Variants in RANBP2 observed in about 807,000 individuals in gnomAD.
RANBP2 encodes E3 SUMO-protein ligase RanBP2.
RANBP2 carries 57 observed loss-of-function variants against 303.6 expected under a neutral mutation model. That is an observed-to-expected ratio of 0.19 (90% CI 0.15 to 0.23). The LOEUF (loss-of-function observed/expected upper bound fraction) is 0.23. Ranked by LOEUF, RANBP2 falls within the 10% of genes least tolerant of loss-of-function variation. The pLI is 1.00. For missense variants in RANBP2, 3,138 were observed against 3,780.8 expected (o/e 0.83, Z 4.46); for synonymous variants, 1,167 against 1,301.5 (o/e 0.90, Z 2.23).
the RANBP2 span, among the ~76,000 whole-genome samples, chr2:108,939,327 C>T: frequency 0.68 from 103,312 of 152,078 alleles, 37,744 homozygotes; most frequent in Non-Finnish European, 0.82. Flanking sequence ...GCTGGGACTA[C>T]AGGCGTGCGC....
the RANBP2 span, among the ~76,000 whole-genome samples, chr2:109,250,282 A>G: frequency 1.3e-5 from 2 of 152,176 alleles, no homozygotes; most frequent in Non-Finnish European, 2.9e-5. Flanking sequence ...CCTGGGGAAG[A>G]CATCTCGCCC....
the RANBP2 span, among the ~76,000 whole-genome samples, chr2:109,555,925 G>A: frequency 6.6e-6 from 1 of 152,114 alleles, no homozygotes; most frequent in African/African-American, 2.4e-5. Flanking sequence ...TCCCCAGTTA[G>A]AATTAACTGT....
the RANBP2 span, among the ~76,000 whole-genome samples, chr2:109,367,251 A>G: frequency 2.0e-5 from 3 of 151,170 alleles, no homozygotes; most frequent in Admixed American, 6.6e-5. Context: ...GGTGTGAGCC[A>G]CTGTGCCCGT....
the RANBP2 span, among the ~76,000 whole-genome samples, chr2:109,441,599 TG>T: frequency 6.6e-6 from 1 of 152,328 alleles, no homozygotes; most frequent in Non-Finnish European, 1.5e-5. Flanking sequence ...AGGTCTCCAA[TG>T]TAGAGGAGAG....
At chr2:108,873,355 A>G in the RANBP2 span, 101 of 1,104,574 alleles carry the variant, frequency 9.1e-5, no homozygotes, top group South Asian at 1.6e-4. Flanking sequence ...CTAAATGAAT[A>G]TTTATAAATG....
At chr2:108,942,427 G>A in the RANBP2 span, among the ~76,000 whole-genome samples, 1 of 152,224 alleles carries the variant, frequency 6.6e-6, no homozygotes, top group African/African-American at 2.4e-5. Flanking sequence ...AAGGGGCCTG[G>A]GCGTGGATGC....
At chr2:109,619,916 G>A in the RANBP2 span, among the ~76,000 whole-genome samples, 4 of 152,196 alleles carry the variant, frequency 2.6e-5, no homozygotes, top group African/African-American at 9.7e-5. Flanking sequence ...AGGGTTGGAA[G>A]ATGACTCTAC....
the RANBP2 span, among the ~76,000 whole-genome samples, chr2:108,854,059 T>C: frequency 3.4e-5 from 4 of 119,276 alleles, no homozygotes; most frequent in Non-Finnish European, 6.3e-5. Flanking sequence ...ATTTATATTA[T>C]ATATATTTTA....
At chr2:108,888,045 C>A in the RANBP2 span, among the ~76,000 whole-genome samples, 2 of 151,970 alleles carry the variant, frequency 1.3e-5, no homozygotes, top group African/African-American at 4.8e-5. Context: ...TTCTTCTATG[C>A]CTAGTTTGTT....
the RANBP2 span, among the ~76,000 whole-genome samples, chr2:109,018,280 A>C: frequency 6.6e-6 from 1 of 152,198 alleles, no homozygotes; most frequent in Non-Finnish European, 1.5e-5. Context: ...AGATCCTCAA[A>C]GCAGGATGGA....
chr2:109,314,479 C>T, the RANBP2 span, among the ~76,000 whole-genome samples: 11 of 152,122 alleles, frequency 7.2e-5, no homozygotes, highest in East Asian at 7.7e-4. Flanking sequence ...CAGCCTGAAA[C>T]GGCATGACCT....
chr2:109,102,636 G>A, the RANBP2 span, among the ~76,000 whole-genome samples: 2 of 152,166 alleles, frequency 1.3e-5, no homozygotes, highest in South Asian at 4.2e-4. Flanking sequence ...ATGATCTAGA[G>A]CTATTTTTCT....
chr2:109,246,522 A>T, the RANBP2 span, among the ~76,000 whole-genome samples: 1 of 152,224 alleles, frequency 6.6e-6, no homozygotes, highest in South Asian at 2.1e-4. Flanking sequence ...ACATACATTC[A>T]GTCCATTGCA....
chr2:108,775,314 T>C (rs1677803321), intron 23 of RANBP2, among the ~76,000 whole-genome samples: 1 of 152,236 alleles, frequency 6.6e-6, no homozygotes, highest in African/African-American at 2.4e-5. Context: ...TTCTCTTAAA[T>C]GTTGTGAGGT....
chr2:108,857,014 T>C, the RANBP2 span: 1 of 1,173,380 alleles, frequency 8.5e-7, no homozygotes, highest in South Asian at 1.4e-5. Flanking sequence ...CAGGATGATT[T>C]TTCTGTCTTT....
chr2:108,783,333 T>TAAAAA (rs71381992), intron 28 of RANBP2, among the ~76,000 whole-genome samples: 40 of 41,372 alleles, frequency 9.7e-4, no homozygotes, highest in African/African-American at 2.0e-3. Context: ...AGCCTGTCAT[T>TAAAAA]AAAAAAAAAA....
chr2:109,059,537 C>T, the RANBP2 span, among the ~76,000 whole-genome samples: 2 of 151,764 alleles, frequency 1.3e-5, no homozygotes, highest in African/African-American at 4.8e-5. Context: ...GATCACACCA[C>T]TGCACTCCAG....
At chr2:109,480,845 T>A in the RANBP2 span, among the ~76,000 whole-genome samples, 1 of 152,298 alleles carries the variant, frequency 6.6e-6, no homozygotes, top group Middle Eastern at 3.4e-3. Flanking sequence ...CGGTTCGCTG[T>A]TCTCTAGCTT....
chr2:109,354,425 G>A, the RANBP2 span, among the ~76,000 whole-genome samples: 1 of 152,264 alleles, frequency 6.6e-6, no homozygotes, highest in South Asian at 2.1e-4. Context: ...GCCTCCAGGA[G>A]AGCAGGGCTG....
Sources: allele counts gnomAD v4.1 joint callset (sites outside exome capture counted in the v4.1 genomes callset), GRCh38; gene constraint gnomAD v4.1.1; transcripts MANE v1.5; gene names NCBI Gene and HGNC (gene_info 2026-07-23, HGNC 2026-07-21).